ABCA13: variants seen among roughly 807,000 people sequenced by gnomAD.
ABCA13 encodes the protein ATP binding cassette subfamily A member 13.
A neutral mutation model predicts 478.7 loss-of-function variants in ABCA13; 476 were observed. The ratio of observed to expected loss-of-function variants is 0.99; its 90% confidence interval spans 0.92 to 1.07. The LOEUF (loss-of-function observed/expected upper bound fraction) is 1.07, where lower values mean the gene tolerates loss of function less well. ABCA13 is among the 50% of genes least tolerant of loss of function. The pLI, the probability that ABCA13 is intolerant of heterozygous loss-of-function variation, is 0.00. For missense variants in ABCA13, 6,060 were observed against 5,910.6 expected (o/e 1.03, Z -0.83); for synonymous variants, 2,252 against 2,158.9 (o/e 1.04, Z -1.20).
rs142657665 is a variant in ABCA13 at position 48,590,044 on chromosome 7, G to C, written c.14640+2756G>C. Among the ~76,000 whole-genome samples the C allele has an allele frequency of 5.9e-5, 9 of 152,208 alleles. No individual in the cohort carries two copies. In the East Asian group the frequency reaches 1.7e-3, roughly 29 times the overall value. ...TAGGTCTCCAGAACTTGTTTGTCCT[G>C]TATAACTGAAATTTTCTGCCCTTTG... On this transcript the variant is annotated intron_variant, in intron 57 of 61. Transcript: ENST00000435803.
rs1194677324 is a variant in ABCA13, at chr7:48,310,124, C to T, written c.9499C>T (p.Arg3167Ter). Residue 3167 changes from arginine (R) to a stop codon, truncating the protein, a stop_gained, in exon 24 of 62, where the codon CGA becomes TGA. Transcript: ENST00000435803. LOFTEE classifies it high-confidence loss of function. ...GTTGCTGAGTCGAAACTTGGATGTGCGAGCTTTCATTTACAAGGTATGGAG... is the reference window on the plus strand; with the variant it reads ...GTTGCTGAGTCGAAACTTGGATGTGTGAGCTTTCATTTACAAGGTATGGAG... ...IVLLSRNLDV[R>*]AFIYKTLMPS... 7 of 1,610,192 alleles carry T rather than the reference C, an allele frequency of 4.3e-6. No individual in the cohort carries two copies. Among genetic ancestry groups the T allele is most frequent in the South Asian group, 1.1e-5 (1 of 90,478 alleles).
intron 55 of ABCA13, among the ~76,000 whole-genome samples, chr7:48,553,957 G>A (rs1444822477): frequency 6.6e-6 from 1 of 151,832 alleles, no homozygotes; most frequent in East Asian, 1.9e-4. Context: ...TTCATATTTT[G>A]AGGTGTTAGA....
At chr7:48,359,909 A>G (rs1810551429) in intron 31 of ABCA13, among the ~76,000 whole-genome samples, 1 of 152,178 alleles carries the variant, frequency 6.6e-6, no homozygotes, top group Middle Eastern at 3.4e-3. Flanking sequence ...GCTTACTAAA[A>G]TGGAAACCAA....
chr7:48,275,955 A>G lies in ABCA13; in HGVS notation c.6289A>G (p.Ile2097Val), dbSNP rs146533514. The G allele has an allele frequency of 1.4e-4, 225 of 1,613,726 alleles. No homozygotes were observed. The African/African-American group carries it at 2.7e-3, about 20-fold the overall frequency. The change falls in exon 17 of 62, where the codon ATA (isoleucine) becomes GTA (valine). Residue 2097 changes from isoleucine (I) to valine (V), a missense_variant. This residue lies in a region of ABCA13 where 4,423 missense variants were observed against 4,309.1 expected (regional missense o/e 1.03). Coordinates refer to ENST00000435803, the MANE Select transcript of ABCA13 (RefSeq NM_152701.5). ...TATAAATTCAATGGCTCTTCAAAAGATAACTTTGCAGTTTGCCCATTTCCT... is the reference window on the plus strand; with the variant it reads ...TATAAATTCAATGGCTCTTCAAAAGGTAACTTTGCAGTTTGCCCATTTCCT... ...KSINSMALQK[I>V]TLQFAHFLEI...
At chr7:48,243,774 G>A (rs1223189692) in intron 10 of ABCA13, among the ~76,000 whole-genome samples, 2 of 152,214 alleles carry the variant, frequency 1.3e-5, no homozygotes, top group Non-Finnish European at 2.9e-5. Context: ...GCAGTGGGAT[G>A]GCTCCAGCCA....
At chr7:48,542,344 G>A (rs1274447072) in intron 55 of ABCA13, among the ~76,000 whole-genome samples, 1 of 151,578 alleles carries the variant, frequency 6.6e-6, no homozygotes, top group Non-Finnish European at 1.5e-5. Context: ...AGTAATTCCT[G>A]TTAAAATAAG....
At chr7:48,564,902 CAGTGACTTGCT>C (rs1479070191) in intron 55 of ABCA13, among the ~76,000 whole-genome samples, 1 of 152,058 alleles carries the variant, frequency 6.6e-6, no homozygotes, top group Non-Finnish European at 1.5e-5. Context: ...TAAAATTTAA[CAGTGACTTGCT>C]TGATCTCTAA....
chr7:48,272,505 CACAT>C lies in ABCA13; in HGVS notation c.2843_2846del (p.Ile948ThrfsTer2). 1 of 1,613,786 alleles carries C rather than the reference CACAT, an allele frequency of 6.2e-7. No individual in the cohort carries two copies. The highest frequency in any genetic ancestry group is 8.5e-7 in the Non-Finnish European group (1 of 1,179,758). On this transcript the variant is annotated frameshift_variant, in exon 17 of 62. Coordinates refer to ENST00000435803, the MANE Select transcript of ABCA13 (RefSeq NM_152701.5). LOFTEE classifies it high-confidence loss of function. ...ACAAGAAGTTGATAAAATTTTGACT[CACAT>C]ACACCTAAATGTCTTCCAGGACAAG...
intron 19 of ABCA13, among the ~76,000 whole-genome samples, chr7:48,287,410 G>T (rs1246128858): frequency 1.3e-5 from 2 of 152,180 alleles, no homozygotes; most frequent in African/African-American, 4.8e-5. Context: ...ATGGGTGCTG[G>T]ACAGACGCAC....
chr7:48,456,145 A>C (rs1386241021), intron 43 of ABCA13, among the ~76,000 whole-genome samples: 1 of 152,236 alleles, frequency 6.6e-6, no homozygotes, highest in Non-Finnish European at 1.5e-5. Context: ...CTAGTTTACA[A>C]CTGCACAAGC....
chr7:48,244,445 T>A, intron 10 of ABCA13, 131 bp from the exon 11 acceptor site: 1 of 1,117,654 alleles, frequency 8.9e-7, no homozygotes, highest in Non-Finnish European at 1.2e-6. Context: ...TGTGATGAAG[T>A]GTGACTTTCA....
intron 9 of ABCA13, among the ~76,000 whole-genome samples, chr7:48,239,789 T>A (rs1470915858): frequency 6.6e-6 from 1 of 152,238 alleles, no homozygotes; most frequent in Non-Finnish European, 1.5e-5. Flanking sequence ...TGAACTGGCC[T>A]TGTCTCTTCA....
intron 57 of ABCA13, among the ~76,000 whole-genome samples, chr7:48,590,395 A>G (rs1256515127): frequency 1.3e-5 from 2 of 151,954 alleles, no homozygotes; most frequent in Admixed American, 1.3e-4. Flanking sequence ...ACACTTAGGG[A>G]TGCTTAGGTT....
At chr7:48,582,450 A>T (rs1788794939) in intron 56 of ABCA13, among the ~76,000 whole-genome samples, 1 of 152,048 alleles carries the variant, frequency 6.6e-6, no homozygotes, top group Non-Finnish European at 1.5e-5. Context: ...TGTGTGCCTC[A>T]CCTCCAGGCT....
intron 42 of ABCA13, among the ~76,000 whole-genome samples, chr7:48,439,550 T>C (rs1823300200): frequency 2.6e-5 from 4 of 152,144 alleles, no homozygotes; most frequent in Admixed American, 2.6e-4. Flanking sequence ...ATCCCAATTA[T>C]GATATATGCA....
In ABCA13 at chr7:48,621,570, AT is replaced by A. The variant is rs377217948; in HGVS notation, c.14837+6195del. Among the ~76,000 whole-genome samples, 26 of 152,284 alleles carry A rather than the reference AT, an allele frequency of 1.7e-4. 1 individual carries two copies. The highest frequency in any genetic ancestry group is 1.3e-3 in the Admixed American group (20 of 15,294). ...GAGGTTTAATACTGCCAAATTCTAC[AT>A]TCATTATTTACTAAGTTGGTGTCCT... On this transcript the variant is annotated intron_variant, in intron 59 of 61. Transcript: ENST00000435803.
intron 42 of ABCA13, among the ~76,000 whole-genome samples, chr7:48,432,842 G>A (rs577952327): frequency 1.3e-5 from 2 of 152,038 alleles, no homozygotes; most frequent in East Asian, 3.9e-4. Flanking sequence ...GGAGATGTTG[G>A]TAAATGGATA....
At chr7:48,215,531 T>C (rs1463199366) in intron 3 of ABCA13, among the ~76,000 whole-genome samples, 3 of 152,238 alleles carry the variant, frequency 2.0e-5, no homozygotes, top group African/African-American at 7.2e-5. Context: ...ATGGCATTGA[T>C]AGACTTGCTC....
chr7:48,360,272 AG>A (rs1810620469), intron 31 of ABCA13, among the ~76,000 whole-genome samples: 2 of 145,232 alleles, frequency 1.4e-5, no homozygotes, highest in Non-Finnish European at 3.0e-5. Context: ...CCCACCTATG[AG>A]TGAGGACATG....
Sources: allele counts gnomAD v4.1 joint callset (sites outside exome capture counted in the v4.1 genomes callset), GRCh38; gene constraint gnomAD v4.1.1; regional missense constraint gnomAD v4.1.1; transcripts MANE v1.5; gene names NCBI Gene and HGNC (gene_info 2026-07-23, HGNC 2026-07-21).